PRICKLE2: variants seen among roughly 807,000 people sequenced by gnomAD.
The protein encoded by PRICKLE2 is prickle planar cell polarity protein 2.
In PRICKLE2, 21 loss-of-function variants were observed where a neutral mutation model predicts 81.4. The observed-to-expected ratio is 0.26, with a 90% CI of 0.18 to 0.37. The LOEUF (loss-of-function observed/expected upper bound fraction) is 0.37, where lower values mean the gene tolerates loss of function less well. PRICKLE2 is among the 10% of genes least tolerant of loss of function. The pLI is 1.00. For missense variants in PRICKLE2, 940 were observed against 1,109.0 expected (o/e 0.85, Z 2.16); for synonymous variants, 456 against 421.5 (o/e 1.08, Z -1.00).
At chr3:64,109,950 C>T (rs1303920135) in intron 7 of PRICKLE2, among the ~76,000 whole-genome samples, 2 of 152,190 alleles carry the variant, frequency 1.3e-5, no homozygotes, top group African/African-American at 4.8e-5. Flanking sequence ...CCTTTCCTTG[C>T]TCATCCTATT....
chr3:64,136,345 A>G (rs2077278828), intron 7 of PRICKLE2, among the ~76,000 whole-genome samples: 1 of 151,286 alleles, frequency 6.6e-6, no homozygotes, highest in Non-Finnish European at 1.5e-5. Context: ...AACTTAGTGA[A>G]CCTATGAGTT....
intron 7 of PRICKLE2, among the ~76,000 whole-genome samples, chr3:64,138,899 C>T (rs539541490): frequency 6.6e-6 from 1 of 152,276 alleles, no homozygotes; most frequent in South Asian, 2.1e-4. Flanking sequence ...AGGTTCTACC[C>T]AATATTTAAA....
chr3:64,195,131 C>A (rs916975664), intron 2 of PRICKLE2, among the ~76,000 whole-genome samples: 6 of 152,144 alleles, frequency 3.9e-5, no homozygotes, highest in Admixed American at 3.9e-4. Context: ...ACCATTAAAC[C>A]CCTTATTTGG....
At chr3:64,159,019 G>T (rs1316589765) in intron 4 of PRICKLE2, among the ~76,000 whole-genome samples, 1 of 152,138 alleles carries the variant, frequency 6.6e-6, no homozygotes, top group Non-Finnish European at 1.5e-5. Flanking sequence ...CAAGAATGAC[G>T]ATCAGCACTG....
intron 1 of PRICKLE2, among the ~76,000 whole-genome samples, chr3:64,219,677 A>C (rs565646552): frequency 1.8e-4 from 28 of 152,236 alleles, no homozygotes; most frequent in Non-Finnish European, 1.9e-4. Flanking sequence ...TTCAATGGCT[A>C]AATAATGAGG....
chr3:64,250,437 T>G (rs1291805923), intron 2 of PRICKLE2, among the ~76,000 whole-genome samples: 1 of 152,174 alleles, frequency 6.6e-6, no homozygotes, highest in Non-Finnish European at 1.5e-5. Flanking sequence ...TGCTGGGCTG[T>G]TGCAGAGGCC....
intron 7 of PRICKLE2, among the ~76,000 whole-genome samples, chr3:64,129,177 G>A (rs1332550335): frequency 1.3e-5 from 2 of 151,802 alleles, no homozygotes; most frequent in Admixed American, 1.3e-4. Context: ...CAAGACTCAA[G>A]TGTTGTAAAA....
At chr3:64,163,316 G>A in intron 2 of PRICKLE2, 187 bp from the exon 3 acceptor site, 1 of 637,278 alleles carries the variant, frequency 1.6e-6, no homozygotes, top group Non-Finnish European at 2.8e-6. Context: ...GCAAGAGTCA[G>A]GCAAATCATC....
chr3:64,220,616 C>A (rs1357504030), intron 1 of PRICKLE2, among the ~76,000 whole-genome samples: 1 of 152,120 alleles, frequency 6.6e-6, no homozygotes, highest in Non-Finnish European at 1.5e-5. Context: ...ATCAGAGAAC[C>A]CCCGACTATT....
At chr3:64,266,243 C>T (rs183151411) in intron 2 of PRICKLE2, among the ~76,000 whole-genome samples, 10 of 151,824 alleles carry the variant, frequency 6.6e-5, no homozygotes, top group Admixed American at 2.0e-4. Context: ...ACTCTTAAAA[C>T]GAATCTGCCT....
chr3:64,131,301 G>A (rs1309186941), intron 7 of PRICKLE2, among the ~76,000 whole-genome samples: 1 of 152,210 alleles, frequency 6.6e-6, no homozygotes, highest in Non-Finnish European at 1.5e-5. Flanking sequence ...GAGGTAGGAT[G>A]GAGGGATCCA....
chr3:64,258,006 T>A (rs1172774950), intron 2 of PRICKLE2, among the ~76,000 whole-genome samples: 1 of 152,086 alleles, frequency 6.6e-6, no homozygotes, highest in Non-Finnish European at 1.5e-5. Context: ...CAAACCCTCA[T>A]CAAACACCGA....
At chr3:64,202,911 A>T (rs1353531443) in intron 1 of PRICKLE2, among the ~76,000 whole-genome samples, 1 of 152,132 alleles carries the variant, frequency 6.6e-6, no homozygotes, top group Non-Finnish European at 1.5e-5. Flanking sequence ...TTATTTGTAC[A>T]TGCTCTTTAT....
At chr3:64,104,794 C>G (rs2106943896) in intron 7 of PRICKLE2, 1 of 152,324 alleles carries the variant, frequency 6.6e-6, no homozygotes, top group South Asian at 2.1e-4. Context: ...CCTGCTCACT[C>G]TAGAGAGGAG....
intron 6 of PRICKLE2, among the ~76,000 whole-genome samples, chr3:64,149,789 G>C (rs1275147753): frequency 6.6e-6 from 1 of 152,160 alleles, no homozygotes; most frequent in Non-Finnish European, 1.5e-5. Flanking sequence ...CCCAGGGAGA[G>C]AGGAATGAGG....
intron 1 of PRICKLE2, among the ~76,000 whole-genome samples, chr3:64,206,561 T>C (rs1186827706): frequency 6.6e-6 from 1 of 152,204 alleles, no homozygotes; most frequent in Non-Finnish European, 1.5e-5. Context: ...CTCTTGTTGC[T>C]AGCCCTGCCA....
intron 2 of PRICKLE2, among the ~76,000 whole-genome samples, chr3:64,174,061 T>C (rs192697700): frequency 1.2e-4 from 19 of 152,316 alleles, no homozygotes; most frequent in Middle Eastern, 3.4e-3. Context: ...CAAACCTTAA[T>C]AAAACTCCTT....
chr3:64,226,366 C>T (rs781345770), upstream of PRICKLE2, among the ~76,000 whole-genome samples: 5 of 152,184 alleles, frequency 3.3e-5, no homozygotes, highest in Non-Finnish European at 7.3e-5. Context: ...ATTTGGAGAG[C>T]CCTGTGTTCA....
intron 2 of PRICKLE2, among the ~76,000 whole-genome samples, chr3:64,245,729 C>G (rs1472122906): frequency 6.6e-6 from 1 of 152,146 alleles, no homozygotes; most frequent in Non-Finnish European, 1.5e-5. Context: ...ACGGAATGGG[C>G]AGCTAAGCAT....
Sources: allele counts gnomAD v4.1 joint callset (sites outside exome capture counted in the v4.1 genomes callset), GRCh38; gene constraint gnomAD v4.1.1; transcripts MANE v1.5; gene names NCBI Gene and HGNC (gene_info 2026-07-23, HGNC 2026-07-21).